Variants in DHODH observed in about 807,000 individuals in gnomAD.
The protein encoded by DHODH is dihydroorotate dehydrogenase (quinone).
DHODH carries 30 observed loss-of-function variants against 39.7 expected under a neutral mutation model. The observed-to-expected ratio is 0.76, with a 90% CI of 0.57 to 1.02. DHODH has a LOEUF of 1.02. DHODH is among the 50% of genes least tolerant of loss of function. DHODH has a pLI of 0.00. For synonymous variants in DHODH, 222 were observed against 213.8 expected, an observed-to-expected ratio of 1.04 and a Z score of -0.34; for missense variants, 531 against 520.8, an observed-to-expected ratio of 1.02 and a Z score of -0.19.
intron 3 of DHODH, chr16:72,015,914 G>A: frequency 1.0e-6 from 1 of 973,768 alleles, no homozygotes; most frequent in Middle Eastern, 5.3e-4. Flanking sequence ...CATCAGATAT[G>A]TGTGCCAGTG....
At chr16:72,012,356 A>C (rs2041093689) in intron 2 of DHODH, 94 bp downstream of exon 2, 1 of 1,127,024 alleles carries the variant, frequency 8.9e-7, no homozygotes, top group East Asian at 2.4e-5. Context: ...TGAAAACCAG[A>C]ACCCCAAGTG....
chr16:72,016,750 A>C, intron 3 of DHODH: 1 of 425,592 alleles, frequency 2.3e-6, no homozygotes, highest in Non-Finnish European at 4.4e-6. Context: ...GTGGCTGGGT[A>C]AGGAGTGGGG....
chr16:72,020,071 A>T (rs2041186780), intron 4 of DHODH, among the ~76,000 whole-genome samples: 1 of 151,676 alleles, frequency 6.6e-6, no homozygotes, highest in Non-Finnish European at 1.5e-5. Flanking sequence ...AGGTCTGGAG[A>T]TGGAGACCAT....
intron 1 of DHODH, among the ~76,000 whole-genome samples, chr16:72,009,908 C>G (rs1362233889): frequency 1.3e-5 from 2 of 152,070 alleles, no homozygotes; most frequent in East Asian, 3.9e-4. Flanking sequence ...GCCTGAGTCT[C>G]TTTTTAAAAT....
At chr16:72,009,054 C>T (rs1369373646) in intron 1 of DHODH, 2 of 1,405,632 alleles carry the variant, frequency 1.4e-6, no homozygotes, top group African/African-American at 1.4e-5. Context: ...GAGCCTGGCA[C>T]AGGGGTGCTT....
intron 1 of DHODH, among the ~76,000 whole-genome samples, chr16:72,010,124 C>T (rs1320968839): frequency 6.6e-6 from 1 of 152,192 alleles, no homozygotes; most frequent in Non-Finnish European, 1.5e-5. Context: ...CATTTCCTGG[C>T]TTAGGGAACA....
intron 4 of DHODH, among the ~76,000 whole-genome samples, chr16:72,019,101 G>A (rs1299784932): frequency 6.6e-6 from 1 of 152,098 alleles, no homozygotes; most frequent in Non-Finnish European, 1.5e-5. Context: ...GATTATAGGC[G>A]CCCACCACCA....
rs748279124 is a variant in DHODH, at chr16:72,026,959, T to TTGTGTGTGTGTGTG, written c.*2798_*2811dup. The TTGTGTGTGTGTGTG allele has an allele frequency of 4.8e-5, 1 of 20,924 alleles. No individual in the cohort carries two copies. The highest frequency in any genetic ancestry group is 9.8e-5 in the Non-Finnish European group (1 of 10,218). The allele number at this position is 20,924 out of a possible 1,614,324, so 1.3% of individuals were successfully genotyped here. A position where few individuals can be genotyped will look rare whatever the true frequency, so the allele number is the denominator to read the frequency against. ...GTGCCCACTACCACACCCAGCTAAT[T>TTGTGTGTGTGTGTG]TGTGTGTGTGTGTGTGTGTGTGTGT... is the stretch of plus-strand genomic sequence containing the variant. On this transcript the variant is annotated 3_prime_UTR_variant, in exon 9 of 9. Transcript: ENST00000219240.
chr16:72,008,881 C>T, intron 1 of DHODH, 96 bp downstream of exon 1: 1 of 1,549,606 alleles, frequency 6.5e-7, no homozygotes, highest in Non-Finnish European at 8.7e-7. Flanking sequence ...CCGAAGGCGG[C>T]TCCGGGAGTG....
Position 72,025,505 on chromosome 16 carries a change from C to G in DHODH, c.*1306C>G, listed in dbSNP as rs1286676770. 2 of 152,246 alleles carry G rather than the reference C, an allele frequency of 1.3e-5. No individual in the cohort carries two copies. Among genetic ancestry groups the G allele is most frequent in the Non-Finnish European group, 2.9e-5 (2 of 68,066 alleles). 9.4% of individuals were successfully genotyped at this position (152,246 alleles called of 1,614,324 possible). A position where few individuals can be genotyped will look rare whatever the true frequency, so the allele number is the denominator to read the frequency against. ...GTTTACCCAGTCCCCTGTTGGTGAT[C>G]ACATCGCTAACTTCCGGCGTTTTCC... On this transcript the variant is annotated 3_prime_UTR_variant, in exon 9 of 9. Transcript: ENST00000219240.
chr16:72,014,494 A>G lies in DHODH; in HGVS notation c.256A>G (p.Lys86Glu), dbSNP rs2041118158. The change falls in exon 3 of 9, where the codon AAA (lysine) becomes GAA (glutamate). Residue 86 changes from lysine (K) to glutamate (E), a missense_variant. Physicochemically the swap from Lys to Glu is moderately conservative, Grantham distance 56 (BLOSUM62 1). Coordinates refer to ENST00000219240, the MANE Select transcript of DHODH (RefSeq NM_001361.5). ...DMLEVRVLGH[K>E]FRNPVGIAAG... ...CCAGGAAGTGAGAGTTCTGGGCCAT[A>G]AATTCCGAAATCCAGTAGGAATTGC... The G allele has an allele frequency of 1.2e-6, 2 of 1,613,090 alleles. No individual in the cohort carries two copies. The highest frequency in any genetic ancestry group is 3.3e-5 in the Admixed American group (2 of 60,002).
intron 1 of DHODH, chr16:72,009,186 TC>T (rs2041054288): frequency 2.8e-6 from 3 of 1,062,780 alleles, no homozygotes; most frequent in Non-Finnish European, 3.5e-6. Context: ...TGTGAAAAGT[TC>T]TTAGCTGTAT....
intron 8 of DHODH, 79 bp from the exon 9 acceptor site, chr16:72,024,066 G>T: frequency 6.8e-7 from 1 of 1,461,690 alleles, no homozygotes; most frequent in Middle Eastern, 1.7e-4. Context: ...ATGCGTTTCT[G>T]GGTGAACGTG....
At chr16:72,008,828 C>T (rs1233325027) in intron 1 of DHODH, 43 bp downstream of exon 1, 7 of 1,552,110 alleles carry the variant, frequency 4.5e-6, no homozygotes, top group African/African-American at 1.4e-5. Context: ...GACCAGGGAC[C>T]GGGGAGGGCG....
In DHODH at chr16:72,021,181, A is replaced by G; in HGVS notation, c.575A>G (p.Glu192Gly). The G allele has an allele frequency of 6.2e-7, 1 of 1,609,974 alleles. No homozygotes were observed. The highest frequency in any genetic ancestry group is 8.5e-7 in the Non-Finnish European group (1 of 1,178,268). Residue 192 changes from glutamate to glycine, a missense_variant, in exon 5 of 9, where the codon GAG becomes GGG. Coordinates refer to ENST00000219240, the MANE Select transcript of DHODH (RefSeq NM_001361.5). ...GKNKTSVDAAEDYAEGVRVLG... is the reference protein window; with the variant it reads ...GKNKTSVDAAGDYAEGVRVLG... ...AACAAGACCTCAGTGGACGCCGCGG[A>G]GGACTACGCAGAAGGGGTGCGCGTA...
chr16:72,024,453 T>C lies in DHODH; in HGVS notation c.*254T>C. On this transcript the variant is annotated 3_prime_UTR_variant, in exon 9 of 9. Coordinates refer to ENST00000219240, the MANE Select transcript of DHODH (RefSeq NM_001361.5). ...AGGATCCATCAGTCTTGCAAGGACA[T>C]TGAATATTAGGAGGAAAAAGTCATG... The C allele has an allele frequency of 7.3e-6, 4 of 544,778 alleles. No homozygotes were observed. The highest frequency in any genetic ancestry group is 2.0e-5 in the South Asian group (1 of 49,242). The allele number at this position is 544,778 out of a possible 1,614,324, so 33.7% of individuals were successfully genotyped here.
intron 3 of DHODH, chr16:72,015,773 G>A (rs1468618998): frequency 1.0e-6 from 1 of 985,470 alleles, no homozygotes; most frequent in Non-Finnish European, 1.2e-6. Flanking sequence ...TGGGATGATG[G>A]TACTTGGTGA....
chr16:72,016,867 G>A, intron 3 of DHODH, 157 bp from the exon 4 acceptor site: 2 of 705,002 alleles, frequency 2.8e-6, no homozygotes, highest in Non-Finnish European at 5.1e-6. Context: ...ATGGTGTTCT[G>A]GCAAGTTCTC....
chr16:72,012,442 C>T (rs1305482714), intron 2 of DHODH, among the ~76,000 whole-genome samples, 180 bp downstream of exon 2: 2 of 152,168 alleles, frequency 1.3e-5, no homozygotes, highest in Non-Finnish European at 2.9e-5. Flanking sequence ...TTATCTATTA[C>T]GTATATGGGA....
Sources: gnomAD v4.1 joint callset for allele counts (sites outside exome capture counted in the v4.1 genomes callset) on GRCh38, gnomAD v4.1.1 for gene constraint, MANE v1.5 for transcripts, NCBI Gene and HGNC (gene_info 2026-07-23, HGNC 2026-07-21) for gene names.